NHSL2: variants seen among roughly 807,000 people sequenced by gnomAD.
The protein encoded by NHSL2 is NHS-like protein 2.
A neutral mutation model predicts 53.4 loss-of-function variants in NHSL2; 27 were observed. The observed-to-expected ratio is 0.51, with a 90% CI of 0.37 to 0.70. NHSL2 has a LOEUF of 0.70. NHSL2 is among the 30% of genes least tolerant of loss of function. The pLI, the probability that NHSL2 is intolerant of heterozygous loss-of-function variation, is 0.00. For synonymous variants in NHSL2, 408 were observed against 404.1 expected (o/e 1.01, Z -0.12); for missense variants, 892 against 980.1 (o/e 0.91, Z 1.20).
intron 1 of NHSL2, among the ~76,000 whole-genome samples, chrX:72,095,043 T>C (rs1257571262): frequency 8.9e-6 from 1 of 112,182 alleles, no homozygotes; most frequent in Non-Finnish European, 1.9e-5. Flanking sequence ...CCACTTGGTC[T>C]AAAACAGAAA....
At chrX:71,949,557 C>T (rs745443229) in intron 1 of NHSL2, among the ~76,000 whole-genome samples, 185 of 111,538 alleles carry the variant, frequency 1.7e-3, no homozygotes, top group African/African-American at 5.7e-3. Flanking sequence ...GGCTCACACA[C>T]GGGGATGAAA....
chrX:71,922,096 G>C (rs2041662252), intron 1 of NHSL2, among the ~76,000 whole-genome samples: 1 of 112,583 alleles, frequency 8.9e-6, no homozygotes, highest in African/African-American at 3.2e-5. Context: ...TAAATGTATT[G>C]AGTATTTTTA....
chrX:71,981,067 G>A (rs1166539267), intron 1 of NHSL2, among the ~76,000 whole-genome samples: 2 of 112,309 alleles, frequency 1.8e-5, no homozygotes, highest in African/African-American at 3.2e-5. Flanking sequence ...CTGTAAAACC[G>A]TTAGAAGACA....
At chrX:72,127,649 C>CCCCTCGAAGAATAGCAGGTT (rs2042240028) in intron 1 of NHSL2, 3 of 112,667 alleles carry the variant, frequency 2.7e-5, no homozygotes, top group African/African-American at 6.5e-5. Flanking sequence ...AATAGCAGGT[C>CCCCTCGAAGAATAGCAGGTT]CCCTCGAAGA....
At chrX:72,107,042 A>T (rs201120165) in intron 1 of NHSL2, among the ~76,000 whole-genome samples, 2 of 110,883 alleles carry the variant, frequency 1.8e-5, no homozygotes, top group African/African-American at 3.3e-5. Context: ...CAGCAAACCA[A>T]CATGGCACAT....
intron 1 of NHSL2, among the ~76,000 whole-genome samples, chrX:71,916,533 C>T (rs1449901858): frequency 9.0e-6 from 1 of 111,496 alleles, no homozygotes; most frequent in African/African-American, 3.3e-5. Context: ...GACCCAATGT[C>T]TCCATTCGAG....
chrX:71,979,605 GTTGT>G (rs1450138803), intron 1 of NHSL2, among the ~76,000 whole-genome samples: 12 of 112,267 alleles, frequency 1.1e-4, no homozygotes, highest in African/African-American at 3.6e-4. Flanking sequence ...TTTTGATGGG[GTTGT>G]TTGTTTTTTT....
chrX:72,066,158 T>C (rs1311063102), intron 1 of NHSL2, among the ~76,000 whole-genome samples: 1 of 111,314 alleles, frequency 9.0e-6, no homozygotes, highest in Non-Finnish European at 1.9e-5. Context: ...AGGATGATGG[T>C]GACTGGGACC....
At chrX:72,085,696 A>G (rs899241279) in intron 1 of NHSL2, among the ~76,000 whole-genome samples, 1 of 100,348 alleles carries the variant, frequency 1.0e-5, no homozygotes, top group Non-Finnish European at 2.0e-5. Flanking sequence ...CTCTAGGAGA[A>G]ATTCTTTGTT....
At chrX:71,922,190 T>C (rs2041662797) in intron 1 of NHSL2, among the ~76,000 whole-genome samples, 2 of 112,317 alleles carry the variant, frequency 1.8e-5, no homozygotes, top group Non-Finnish European at 3.8e-5. Context: ...GAAATAGTTT[T>C]AGAATGTGGA....
chrX:72,131,727 C>T, intron 1 of NHSL2: 2 of 341,968 alleles, frequency 5.8e-6, no homozygotes, highest in East Asian at 1.0e-4. Context: ...GGCGGAGGGC[C>T]CGGCGGCTCG....
chrX:72,083,416 C>T (rs1412175537), intron 1 of NHSL2, among the ~76,000 whole-genome samples: 1 of 112,812 alleles, frequency 8.9e-6, no homozygotes, highest in Non-Finnish European at 1.9e-5. Context: ...CCTTCTCTTT[C>T]CAGCTTTCTG....
chrX:71,915,904 GT>G (rs1386066232), intron 1 of NHSL2, among the ~76,000 whole-genome samples: 17 of 112,526 alleles, frequency 1.5e-4, no homozygotes, highest in African/African-American at 4.2e-4. Context: ...GCACCCTGTG[GT>G]TCTGTAGTTG....
Position 72,100,774 on chromosome X carries a change from G to A in NHSL2, c.281-31305G>A, listed in dbSNP as rs532811030. 4.4e-5 allele frequency among the ~76,000 whole-genome samples: 5 copies of A among 112,576 alleles called. No individual in the cohort carries two copies. The South Asian group carries it at 1.8e-3, about 41-fold the overall frequency. The stretch of plus-strand genomic sequence containing the variant: ...AATCCATGCCCCCACCCAAGTCCGT[G>A]GAGAAATTGTCTTCCACAAAACCAG... On this transcript the variant is annotated intron_variant, in intron 1 of 7. Transcript: ENST00000633930.
intron 1 of NHSL2, chrX:72,130,989 G>GC (rs771034719): frequency 8.3e-7 from 1 of 1,210,827 alleles, no homozygotes; most frequent in Non-Finnish European, 1.1e-6. Flanking sequence ...CCCGCTCGGC[G>GC]CCCCCGGGGA....
chrX:72,077,962 A>C (rs2041758144), intron 1 of NHSL2, among the ~76,000 whole-genome samples: 1 of 113,063 alleles, frequency 8.8e-6, no homozygotes, highest in African/African-American at 3.2e-5. Context: ...GGAGCCAGGC[A>C]GTAGCTTGAG....
chrX:72,119,992 C>T (rs1210617316), intron 1 of NHSL2, among the ~76,000 whole-genome samples: 3 of 112,154 alleles, frequency 2.7e-5, no homozygotes, highest in South Asian at 7.3e-4. Flanking sequence ...TTTAGTCTAT[C>T]GATATGGTGT....
chrX:71,964,025 G>GTATATATATA (rs2041886704), intron 1 of NHSL2, among the ~76,000 whole-genome samples: 24 of 6,277 alleles, frequency 3.8e-3, no homozygotes, highest in East Asian at 0.02. Flanking sequence ...ATATATATAT[G>GTATATATATA]TGTATATATA....
chrX:71,911,994 G>C (rs757983677), intron 1 of NHSL2, among the ~76,000 whole-genome samples: 3 of 112,207 alleles, frequency 2.7e-5, no homozygotes, highest in South Asian at 7.4e-4. Flanking sequence ...TGGCCGGGAG[G>C]GGGGAGGGGA....
Sources: allele counts gnomAD v4.1 joint callset (sites outside exome capture counted in the v4.1 genomes callset), GRCh38; gene constraint gnomAD v4.1.1; transcripts MANE v1.5; gene names NCBI Gene and HGNC (gene_info 2026-07-23, HGNC 2026-07-21).